The following ASTN2 variants were observed in gnomAD, a reference collection of about 807,000 sequenced individuals.
The protein encoded by ASTN2 is astrotactin-2.
A neutral mutation model predicts 139.8 loss-of-function variants in ASTN2; 54 were observed. The observed-to-expected ratio is 0.39, with a 90% CI of 0.31 to 0.48. The LOEUF is 0.48. Ranked by LOEUF, ASTN2 falls within the 20% of genes least tolerant of loss-of-function variation. ASTN2 has a pLI of 0.95. For missense variants in ASTN2, 1,565 were observed against 1,725.1 expected, an observed-to-expected ratio of 0.91 and a Z score of 1.64; for synonymous variants, 756 against 719.5, an observed-to-expected ratio of 1.05 and a Z score of -0.81.
rs201598750 is a variant in ASTN2, at chr9:116,841,370, AGAGAGGGAGAGG to A, written c.2041-20599_2041-20588del. Among the ~76,000 whole-genome samples the A allele has an allele frequency of 3.0e-3, 459 of 152,272 alleles. 8 individuals are homozygous for A. In the East Asian group the frequency reaches 0.055, roughly 18 times the overall value. On this transcript the variant is annotated intron_variant, in intron 11 of 22. Coordinates refer to ENST00000313400, the MANE Select transcript of ASTN2 (RefSeq NM_001365068.1). ...TCGGCATGAGAGGGAGACCGTGGAA[AGAGAGGGAGAGG>A]GAGAGGGAGAGGAGACTGACTCTAA...
At chr9:117,358,740 T>A (rs1489927457) in intron 1 of ASTN2, among the ~76,000 whole-genome samples, 2 of 151,996 alleles carry the variant, frequency 1.3e-5, no homozygotes, top group Admixed American at 1.3e-4. Flanking sequence ...AGAAATGCAA[T>A]CTCCTCCAGT....
In ASTN2 at chr9:116,699,613, T is replaced by TAAC. The variant is rs752475495; in HGVS notation, c.2806+26155_2806+26157dup. The TAAC allele has an allele frequency of 3.7e-6, 6 of 1,614,228 alleles. No individual in the cohort carries two copies. The highest frequency in any genetic ancestry group is 5.1e-6 in the Non-Finnish European group (6 of 1,180,038). ...CTTACCTGTCCGGTGGGCATAGCCC[T>TAAC]AACTCCTAAGGGGCAGCTGCTGGTC... On this transcript the variant is annotated intron_variant, in intron 16 of 22. Transcript: ENST00000313400. The surrounding 1 kb of genome is among the most constrained non-coding windows in gnomAD (Gnocchi z 4.2).
At chr9:116,492,089 T>C (rs2119104179) in intron 19 of ASTN2, among the ~76,000 whole-genome samples, 1 of 151,948 alleles carries the variant, frequency 6.6e-6, no homozygotes, top group African/African-American at 2.4e-5. Flanking sequence ...TTCTCTCTTT[T>C]TTTTTTTTTT....
chr9:117,110,618 GATA>G, intron 4 of ASTN2, among the ~76,000 whole-genome samples: 1 of 152,312 alleles, frequency 6.6e-6, no homozygotes, highest in Middle Eastern at 3.4e-3. Context: ...TCCTTGTGCA[GATA>G]ATAATGATAC....
chr9:117,148,996 T>C (rs1830265613), intron 3 of ASTN2, among the ~76,000 whole-genome samples: 1 of 150,624 alleles, frequency 6.6e-6, no homozygotes, highest in East Asian at 1.9e-4. Context: ...GTTTCTTTCT[T>C]TTTTTTTTAA....
chr9:117,117,553 T>C (rs1338992222), intron 4 of ASTN2, among the ~76,000 whole-genome samples: 2 of 152,128 alleles, frequency 1.3e-5, no homozygotes, highest in African/African-American at 4.8e-5. Context: ...GCTCCTGATA[T>C]GGTTCCTGGC....
At chr9:117,234,213 A>G (rs1230123168) in intron 2 of ASTN2, among the ~76,000 whole-genome samples, 3 of 152,204 alleles carry the variant, frequency 2.0e-5, no homozygotes, top group African/African-American at 7.2e-5. Context: ...AGTGGTACTC[A>G]GCTGTCTGCC....
At chr9:116,779,849 C>T (rs1043449196) in intron 13 of ASTN2, among the ~76,000 whole-genome samples, 4 of 152,068 alleles carry the variant, frequency 2.6e-5, no homozygotes, top group African/African-American at 7.2e-5. Context: ...TTTTAAATTC[C>T]CCCCTGGTCT....
intron 4 of ASTN2, among the ~76,000 whole-genome samples, chr9:117,137,008 A>G (rs780457439): frequency 5.4e-5 from 8 of 148,178 alleles, no homozygotes; most frequent in Non-Finnish European, 1.1e-4. Context: ...AAACTAAATA[A>G]ACCTATGGAA....
intron 3 of ASTN2, among the ~76,000 whole-genome samples, chr9:117,211,083 A>G (rs944413264): frequency 6.6e-6 from 1 of 152,136 alleles, no homozygotes; most frequent in East Asian, 1.9e-4. Flanking sequence ...TAAAGGCCAT[A>G]TATGACAAAT....
intron 1 of ASTN2, among the ~76,000 whole-genome samples, chr9:117,300,370 C>G (rs1834845662): frequency 6.6e-6 from 1 of 152,174 alleles, no homozygotes; most frequent in African/African-American, 2.4e-5. Flanking sequence ...ACATTACAGT[C>G]TTCATTATTT....
rs115808659 is a variant in ASTN2, at chr9:117,249,068, A to G, written c.631-34326T>C. ...AATAAATTTTTCAGTGAGTATTTAA[A>G]ACACCTGTTCTCCTGAGCAACTCCT... is the stretch of plus-strand genomic sequence containing the variant. On this transcript the variant is annotated intron_variant, in intron 2 of 22. Coordinates refer to ENST00000313400, the MANE Select transcript of ASTN2 (RefSeq NM_001365068.1). Among the ~76,000 whole-genome samples, 1,274 of 152,334 alleles carry G rather than the reference A, an allele frequency of 8.4e-3. 23 individuals carry two copies. Among genetic ancestry groups the G allele is most frequent in the African/African-American group, 0.029 (1,223 of 41,584 alleles).
At chr9:117,292,713 A>AAC (rs1353622354) in intron 1 of ASTN2, among the ~76,000 whole-genome samples, 4 of 151,950 alleles carry the variant, frequency 2.6e-5, no homozygotes, top group African/African-American at 4.8e-5. Flanking sequence ...CACACACACA[A>AAC]ACACACACAC....
At chr9:116,856,240 C>T (rs1832736557) in intron 11 of ASTN2, among the ~76,000 whole-genome samples, 1 of 152,214 alleles carries the variant, frequency 6.6e-6, no homozygotes, top group African/African-American at 2.4e-5. Flanking sequence ...CTGAATCTAT[C>T]ATACCCCATG....
chr9:117,203,842 T>G (rs1051929705), intron 3 of ASTN2, among the ~76,000 whole-genome samples: 1 of 152,144 alleles, frequency 6.6e-6, no homozygotes, highest in Non-Finnish European at 1.5e-5. Context: ...TTGGATGGCA[T>G]GGAGAGAAGG....
chr9:117,018,371 G>A (rs1248021904), intron 6 of ASTN2, among the ~76,000 whole-genome samples: 1 of 152,142 alleles, frequency 6.6e-6, no homozygotes, highest in Non-Finnish European at 1.5e-5. Context: ...ATCAGGAGCT[G>A]TTTGGAAAAG....
chr9:116,848,982 C>T (rs1427584344), intron 11 of ASTN2, among the ~76,000 whole-genome samples: 3 of 152,164 alleles, frequency 2.0e-5, no homozygotes, highest in Non-Finnish European at 4.4e-5. Context: ...TCCCACAATC[C>T]CTTCCTTGGG....
At chr9:117,037,464 A>G (rs12553215) in intron 6 of ASTN2, among the ~76,000 whole-genome samples, 16,718 of 152,226 alleles carry the variant, frequency 0.11, 1,199 homozygotes, top group Middle Eastern at 0.19. Context: ...TATTATCCAC[A>G]TTTTATAGAT....
chr9:116,617,414 A>G (rs1855909714), intron 19 of ASTN2, among the ~76,000 whole-genome samples: 1 of 152,244 alleles, frequency 6.6e-6, no homozygotes, highest in African/African-American at 2.4e-5. Context: ...TGACTAACAC[A>G]GAGAAGGCAT....
Sources: gnomAD v4.1 joint callset for allele counts (sites outside exome capture counted in the v4.1 genomes callset) on GRCh38, gnomAD v4.1.1 for gene constraint, Gnocchi (gnomAD v3.1) non-coding constraint, MANE v1.5 for transcripts, NCBI Gene and HGNC (gene_info 2026-07-23, HGNC 2026-07-21) for gene names.